The following PDE10A variants were observed in gnomAD, a reference collection of about 807,000 sequenced individuals.
PDE10A encodes phosphodiesterase 10A.
A neutral mutation model predicts 97.7 loss-of-function variants in PDE10A; 39 were observed. The ratio of observed to expected loss-of-function variants is 0.40; its 90% CI spans 0.31 to 0.52. The LOEUF (loss-of-function observed/expected upper bound fraction) is 0.52, where lower values mean the gene tolerates loss of function less well. PDE10A is among the 20% of genes least tolerant of loss of function. PDE10A has a pLI of 0.56. For synonymous variants in PDE10A, 371 were observed against 376.8 expected (o/e 0.98, Z 0.18); for missense variants, 731 against 1,047.8 (o/e 0.70, Z 4.17).
intron 1 of PDE10A, among the ~76,000 whole-genome samples, chr6:165,924,260 A>C (rs1782854855): frequency 6.6e-6 from 1 of 152,044 alleles, no homozygotes. Context: ...CCCTCTAGGC[A>C]TACAACTCAT....
chr6:165,893,456 A>C (rs1344827186), intron 1 of PDE10A, among the ~76,000 whole-genome samples: 1 of 152,252 alleles, frequency 6.6e-6, no homozygotes, highest in East Asian at 1.9e-4. Flanking sequence ...ACATTTAACC[A>C]GAATGTGAAT....
At chr6:165,797,559 T>G (rs1778863863) in intron 1 of PDE10A, among the ~76,000 whole-genome samples, 1 of 152,184 alleles carries the variant, frequency 6.6e-6, no homozygotes, top group Non-Finnish European at 1.5e-5. Flanking sequence ...GCAAAGAGGT[T>G]TATCCCCTCT....
chr6:165,781,278 C>T (rs1412910955), intron 1 of PDE10A: 1 of 145,838 alleles, frequency 6.9e-6, no homozygotes, highest in African/African-American at 2.4e-5. Flanking sequence ...GACTTAAACC[C>T]ACCTATTATT....
chr6:165,382,408 T>C (rs1031782421), intron 17 of PDE10A, among the ~76,000 whole-genome samples: 10 of 152,304 alleles, frequency 6.6e-5, no homozygotes, highest in East Asian at 1.9e-4. Flanking sequence ...TTACAATACA[T>C]AGAATACTGA....
intron 1 of PDE10A, among the ~76,000 whole-genome samples, chr6:165,766,521 C>T (rs959792859): frequency 1.3e-5 from 2 of 152,350 alleles, no homozygotes; most frequent in East Asian, 1.9e-4. Flanking sequence ...GAATCTGAAG[C>T]CTTTTACAAA....
chr6:165,694,215 C>T, intron 1 of PDE10A, among the ~76,000 whole-genome samples: 1 of 152,318 alleles, frequency 6.6e-6, no homozygotes, highest in South Asian at 2.1e-4. Context: ...TTTACAAAAT[C>T]AAAGACAGAG....
intron 18 of PDE10A, among the ~76,000 whole-genome samples, chr6:165,376,001 C>T (rs182215979): frequency 9.9e-4 from 151 of 152,334 alleles, no homozygotes; most frequent in African/African-American, 3.3e-3. Flanking sequence ...GATGGACATG[C>T]ACATGATTAA....
intron 1 of PDE10A, among the ~76,000 whole-genome samples, chr6:165,830,623 G>A (rs374198449): frequency 4.8e-4 from 73 of 152,274 alleles, no homozygotes; most frequent in African/African-American, 1.7e-3. Flanking sequence ...TGCATCTTAG[G>A]AAGTGGGACC....
intron 18 of PDE10A, among the ~76,000 whole-genome samples, chr6:165,363,167 G>T (rs1056090520): frequency 2.0e-5 from 3 of 152,230 alleles, no homozygotes; most frequent in African/African-American, 7.2e-5. Flanking sequence ...AACAAGAAAA[G>T]GATGTCTTCT....
chr6:165,928,054 T>G (rs1377087300), intron 1 of PDE10A, among the ~76,000 whole-genome samples: 1 of 150,622 alleles, frequency 6.6e-6, no homozygotes. Context: ...TATGTACTAT[T>G]TATATGTAAT....
intron 18 of PDE10A, among the ~76,000 whole-genome samples, chr6:165,368,970 G>T (rs917545579): frequency 6.6e-6 from 1 of 152,150 alleles, no homozygotes; most frequent in Non-Finnish European, 1.5e-5. Flanking sequence ...GGCAAACAGG[G>T]TCTGGAGTGG....
intron 1 of PDE10A, among the ~76,000 whole-genome samples, chr6:165,648,864 G>C (rs927139966): frequency 2.6e-5 from 4 of 152,160 alleles, no homozygotes; most frequent in African/African-American, 4.8e-5. Context: ...AGGCATTCCG[G>C]GTGGCTTGCA....
intron 1 of PDE10A, among the ~76,000 whole-genome samples, chr6:165,590,735 C>T (rs1199553896): frequency 6.6e-6 from 1 of 151,990 alleles, no homozygotes; most frequent in Admixed American, 6.6e-5. Flanking sequence ...ACTAAAAATA[C>T]AAAAAATAAG....
chr6:165,510,987 C>G (rs554291693), intron 2 of PDE10A, among the ~76,000 whole-genome samples: 2 of 151,396 alleles, frequency 1.3e-5, no homozygotes, highest in East Asian at 3.9e-4. Context: ...TTCATTGATC[C>G]TTTTAGTTAT....
chr6:165,890,390 GGAT>G (rs1386192978), intron 1 of PDE10A, among the ~76,000 whole-genome samples: 1 of 152,128 alleles, frequency 6.6e-6, no homozygotes, highest in African/African-American at 2.4e-5. Context: ...AGAGAGAGAA[GGAT>G]GACAAACAAT....
chr6:165,975,616 C>A (rs1410965071), intron 1 of PDE10A, among the ~76,000 whole-genome samples: 2 of 152,130 alleles, frequency 1.3e-5, no homozygotes, highest in African/African-American at 4.8e-5. Context: ...GAGAGGCAGA[C>A]AATAAAAGTA....
intron 1 of PDE10A, among the ~76,000 whole-genome samples, chr6:165,770,866 G>A (rs1314423057): frequency 6.6e-6 from 1 of 152,150 alleles, no homozygotes; most frequent in Non-Finnish European, 1.5e-5. Flanking sequence ...AGGTGCTCCC[G>A]GGGCCACCTT....
Position 165,393,010 on chromosome 6 carries a change from T to C in PDE10A, c.2304-214A>G, listed in dbSNP as rs148664180. On this transcript the variant is annotated intron_variant, in intron 15 of 21. Transcript: ENST00000539869. The stretch of plus-strand genomic sequence containing the variant: ...AGAAGTAAGAGGATAAAGACTCTTT[T>C]ATGGTATCTGTTGTGATACAGTAAC... Among the ~76,000 whole-genome samples the C allele has an allele frequency of 4.8e-3, 732 of 152,266 alleles. 4 individuals carry two copies. The highest frequency in any genetic ancestry group is 0.016 in the African/African-American group (661 of 41,542).
chr6:165,810,574 T>G (rs1779256083), intron 1 of PDE10A, among the ~76,000 whole-genome samples: 1 of 152,184 alleles, frequency 6.6e-6, no homozygotes, highest in Non-Finnish European at 1.5e-5. Context: ...TTATGCTCTC[T>G]GCAGGATTCT....
Sources: allele counts gnomAD v4.1 joint callset (sites outside exome capture counted in the v4.1 genomes callset), GRCh38; gene constraint gnomAD v4.1.1; transcripts MANE v1.5; gene names NCBI Gene and HGNC (gene_info 2026-07-23, HGNC 2026-07-21).